SIPA1L1: variants seen among roughly 807,000 people sequenced by gnomAD.
SIPA1L1 encodes the protein signal induced proliferation associated 1 like 1.
In SIPA1L1, 26 loss-of-function variants were observed where a neutral mutation model predicts 162.7. That is an observed-to-expected ratio of 0.16 (90% CI 0.12 to 0.22). The LOEUF is 0.22. Ranked by LOEUF, SIPA1L1 falls within the 10% of genes least tolerant of loss-of-function variation. SIPA1L1 has a pLI of 1.00. For synonymous variants in SIPA1L1, 829 were observed against 837.4 expected, an observed-to-expected ratio of 0.99 and a Z score of 0.17; for missense variants, 1,874 against 2,241.0, an observed-to-expected ratio of 0.84 and a Z score of 3.31.
At chr14:71,599,054 C>A (rs931007663) in intron 5 of SIPA1L1, among the ~76,000 whole-genome samples, 1 of 151,780 alleles carries the variant, frequency 6.6e-6, no homozygotes, top group African/African-American at 2.4e-5. Flanking sequence ...TGAAAACATG[C>A]AATATTTGTC....
At chr14:71,342,066 T>C (rs148472889) in intron 2 of SIPA1L1, among the ~76,000 whole-genome samples, 231 of 152,084 alleles carry the variant, frequency 1.5e-3, no homozygotes, top group Non-Finnish European at 2.5e-3. Flanking sequence ...TGCAGTGGTA[T>C]CATCTCTGCT....
At chr14:71,616,767 G>A (rs368623489) in intron 5 of SIPA1L1, among the ~76,000 whole-genome samples, 1 of 152,194 alleles carries the variant, frequency 6.6e-6, no homozygotes. Context: ...AGAGAATAGA[G>A]CATGTTTGCC....
At chr14:71,350,693 A>G (rs1276623672) in intron 2 of SIPA1L1, among the ~76,000 whole-genome samples, 3 of 152,164 alleles carry the variant, frequency 2.0e-5, no homozygotes, top group Non-Finnish European at 4.4e-5. Context: ...CAGTGGTCCT[A>G]AGTCCCCCAG....
chr14:71,646,163 G>C (rs971307158), intron 7 of SIPA1L1, among the ~76,000 whole-genome samples: 5 of 150,570 alleles, frequency 3.3e-5, no homozygotes, highest in African/African-American at 9.7e-5. Context: ...TGCACTGTCT[G>C]TTTCTTTCTT....
intron 2 of SIPA1L1, among the ~76,000 whole-genome samples, chr14:71,484,424 C>G (rs1328472445): frequency 1.3e-5 from 2 of 151,676 alleles, no homozygotes; most frequent in South Asian, 4.2e-4. Flanking sequence ...TTATAAAATG[C>G]CCATTATGTG....
chr14:71,547,821 C>T (rs1460141296), intron 4 of SIPA1L1, among the ~76,000 whole-genome samples: 2 of 152,100 alleles, frequency 1.3e-5, no homozygotes, highest in Non-Finnish European at 2.9e-5. Context: ...TCCATTTCTT[C>T]ACCCAAACCA....
At chr14:71,363,696 T>C (rs1254853879) in intron 2 of SIPA1L1, among the ~76,000 whole-genome samples, 2 of 152,192 alleles carry the variant, frequency 1.3e-5, no homozygotes, top group Admixed American at 6.5e-5. Flanking sequence ...TGATTAGTAA[T>C]GTGTTGTAGG....
Position 71,739,483 on chromosome 14 carries a change from G to C in SIPA1L1, c.*322G>C, listed in dbSNP as rs564659734. 5 of 165,748 alleles carry C rather than the reference G, an allele frequency of 3.0e-5. No homozygotes were observed. Among genetic ancestry groups the C allele is most frequent in the Non-Finnish European group, 2.6e-5 (2 of 77,252 alleles). 10.3% of individuals were successfully genotyped at this position (165,748 alleles called of 1,614,324 possible). A position where few individuals can be genotyped will look rare whatever the true frequency, so the allele number is the denominator to read the frequency against. On this transcript the variant is annotated 3_prime_UTR_variant, in exon 24 of 24. Transcript: ENST00000381232. ...AAGAAACTGGGCCTTGGACCAGGGCGCCCCCTGGCCCATCCGCCTCTATTC... is the reference window on the plus strand; with the variant it reads ...AAGAAACTGGGCCTTGGACCAGGGCCCCCCCTGGCCCATCCGCCTCTATTC...
Position 71,740,168 on chromosome 14 carries a change from A to G in SIPA1L1, c.*1007A>G, listed in dbSNP as rs1480616421. On this transcript the variant is annotated 3_prime_UTR_variant, in exon 24 of 24. Coordinates refer to ENST00000381232, the MANE Select transcript of SIPA1L1 (RefSeq NM_001386936.1). ...GACTTCACCAGTATTTGTAACTAGG[A>G]GAAGCTAACAGTGAATGTTTAATTG... is the stretch of plus-strand genomic sequence containing the variant. The G allele has an allele frequency of 6.6e-6, 1 of 152,226 alleles. No homozygotes were observed. Among genetic ancestry groups the G allele is most frequent in the Non-Finnish European group, 1.5e-5 (1 of 68,036 alleles). The allele number at this position is 152,226 out of a possible 1,614,324, so 9.4% of individuals were successfully genotyped here.
At chr14:71,510,807 C>G (rs2051086429) in intron 2 of SIPA1L1, among the ~76,000 whole-genome samples, 1 of 152,136 alleles carries the variant, frequency 6.6e-6, no homozygotes, top group African/African-American at 2.4e-5. Context: ...GGACATAGTC[C>G]TGAAACATTA....
Position 71,647,400 on chromosome 14 carries a change from T to A in SIPA1L1, c.1819-2935T>A, listed in dbSNP as rs76023142. 5.9e-5 allele frequency among the ~76,000 whole-genome samples: 9 copies of A among 152,080 alleles called. No individual in the cohort carries two copies. The South Asian group carries it at 8.3e-4, about 14-fold the overall frequency. On this transcript the variant is annotated intron_variant, in intron 7 of 23. Coordinates refer to ENST00000381232, the MANE Select transcript of SIPA1L1 (RefSeq NM_001386936.1). ...TTTCTGCAGGAAACTTTTTTTTTTTTAATAAATGAATCTAAATAAATTAAT... is the reference window on the plus strand; with the variant it reads ...TTTCTGCAGGAAACTTTTTTTTTTTAAATAAATGAATCTAAATAAATTAAT...
intron 2 of SIPA1L1, among the ~76,000 whole-genome samples, chr14:71,422,264 A>G (rs2043241291): frequency 6.6e-6 from 1 of 151,972 alleles, no homozygotes; most frequent in African/African-American, 2.4e-5. Flanking sequence ...ATTTGATTAG[A>G]CCTTTTGTAG....
chr14:71,603,326 A>G (rs1236900016), intron 5 of SIPA1L1, among the ~76,000 whole-genome samples: 1 of 152,130 alleles, frequency 6.6e-6, no homozygotes, highest in Non-Finnish European at 1.5e-5. Context: ...TCTGTGGAAA[A>G]TGTAATCTAT....
At chr14:71,620,906 TGAAA>T (rs1220429198) in intron 6 of SIPA1L1, among the ~76,000 whole-genome samples, 2 of 152,256 alleles carry the variant, frequency 1.3e-5, no homozygotes, top group Non-Finnish European at 2.9e-5. Context: ...AGCCTTTGAC[TGAAA>T]GGTTCAAGTC....
intron 2 of SIPA1L1, among the ~76,000 whole-genome samples, chr14:71,324,086 C>T (rs969250040): frequency 5.9e-5 from 9 of 152,046 alleles, no homozygotes; most frequent in African/African-American, 9.7e-5. Flanking sequence ...TTGTTTCCTG[C>T]GGAGATGGGC....
chr14:71,567,293 A>G (rs967688727), intron 4 of SIPA1L1, among the ~76,000 whole-genome samples: 8 of 152,232 alleles, frequency 5.3e-5, no homozygotes, highest in Admixed American at 1.3e-4. Context: ...TTTCTAAAGA[A>G]GATGTGAAAG....
intron 13 of SIPA1L1, among the ~76,000 whole-genome samples, chr14:71,697,386 A>G (rs574012186): frequency 1.3e-5 from 2 of 152,372 alleles, no homozygotes; most frequent in African/African-American, 4.8e-5. Flanking sequence ...TGTGGAAAGT[A>G]AAGACAGAGG....
At chr14:71,420,655 C>T (rs2043121948) in intron 2 of SIPA1L1, among the ~76,000 whole-genome samples, 1 of 152,072 alleles carries the variant, frequency 6.6e-6, no homozygotes, top group African/African-American at 2.4e-5. Context: ...TGCAGTGAGC[C>T]CCCATATACT....
intron 10 of SIPA1L1, among the ~76,000 whole-genome samples, chr14:71,662,752 C>T (rs17093617): frequency 0.02 from 3,103 of 152,246 alleles, 108 homozygotes; most frequent in African/African-American, 0.07. Flanking sequence ...TGGGGCAGAA[C>T]CCCCAACAAT....
Sources: gnomAD v4.1 joint callset for allele counts (sites outside exome capture counted in the v4.1 genomes callset) on GRCh38, gnomAD v4.1.1 for gene constraint, MANE v1.5 for transcripts, NCBI Gene and HGNC (gene_info 2026-07-23, HGNC 2026-07-21) for gene names.